CADM1: variants seen among roughly 807,000 people sequenced by gnomAD.
The protein encoded by CADM1 is cell adhesion molecule 1.
In CADM1, 15 loss-of-function variants were observed where a neutral mutation model predicts 53.1. The observed-to-expected ratio is 0.28, with a 90% CI of 0.19 to 0.44. The LOEUF (loss-of-function observed/expected upper bound fraction) is 0.44, where lower values mean the gene tolerates loss of function less well. Ranked by LOEUF, CADM1 falls within the 20% of genes least tolerant of loss-of-function variation. The pLI, the probability that CADM1 is intolerant of heterozygous loss-of-function variation, is 1.00. For missense variants in CADM1, 434 were observed against 611.3 expected, an observed-to-expected ratio of 0.71 and a Z score of 3.06; for synonymous variants, 281 against 243.0, an observed-to-expected ratio of 1.16 and a Z score of -1.45.
At chr11:115,214,156 T>G (rs1170895934) in intron 7 of CADM1, among the ~76,000 whole-genome samples, 1 of 152,250 alleles carries the variant, frequency 6.6e-6, no homozygotes, top group Admixed American at 6.5e-5. Context: ...GAGTATTTAC[T>G]GGCTTACAAC....
At chr11:115,301,562 T>C (rs1008392602) in intron 1 of CADM1, among the ~76,000 whole-genome samples, 1 of 152,084 alleles carries the variant, frequency 6.6e-6, no homozygotes, top group African/African-American at 2.4e-5. Context: ...TTATATCATA[T>C]AAAACTGACA....
intron 1 of CADM1, among the ~76,000 whole-genome samples, chr11:115,375,735 G>A (rs1018633788): frequency 2.6e-5 from 4 of 152,070 alleles, no homozygotes; most frequent in Admixed American, 6.6e-5. Context: ...TATATTGCAC[G>A]TAGGGAGTAT....
intron 7 of CADM1, among the ~76,000 whole-genome samples, chr11:115,212,201 C>T (rs1287601666): frequency 1.3e-5 from 2 of 152,028 alleles, no homozygotes; most frequent in African/African-American, 4.8e-5. Flanking sequence ...GGGGCTCAGG[C>T]ACTAACCAGC....
intron 1 of CADM1, among the ~76,000 whole-genome samples, chr11:115,499,713 C>T (rs1181962640): frequency 1.3e-5 from 2 of 152,244 alleles, no homozygotes; most frequent in South Asian, 2.1e-4. Flanking sequence ...TCTTCCCTCC[C>T]TGGCCTTCGG....
chr11:115,382,951 C>T (rs1487452681), intron 1 of CADM1, among the ~76,000 whole-genome samples: 3 of 152,172 alleles, frequency 2.0e-5, no homozygotes, highest in African/African-American at 7.2e-5. Flanking sequence ...AAGAAAAGGA[C>T]TTTACATGTA....
chr11:115,428,560 T>C (rs1232592322), intron 1 of CADM1, among the ~76,000 whole-genome samples: 2 of 152,202 alleles, frequency 1.3e-5, no homozygotes, highest in Non-Finnish European at 2.9e-5. Context: ...AAACTATATA[T>C]AGCTCTTATT....
chr11:115,393,475 T>C (rs1353241769), intron 1 of CADM1, among the ~76,000 whole-genome samples: 1 of 151,788 alleles, frequency 6.6e-6, no homozygotes, highest in Non-Finnish European at 1.5e-5. Context: ...AAATATACTT[T>C]TCGGGGTTGT....
chr11:115,432,179 T>G (rs1948071649), intron 1 of CADM1, among the ~76,000 whole-genome samples: 1 of 151,994 alleles, frequency 6.6e-6, no homozygotes, highest in Non-Finnish European at 1.5e-5. Flanking sequence ...TCTCCTGACC[T>G]CATGATCTGC....
chr11:115,201,944 C>T (rs1323419396), intron 8 of CADM1, among the ~76,000 whole-genome samples: 1 of 152,126 alleles, frequency 6.6e-6, no homozygotes, highest in South Asian at 2.1e-4. Flanking sequence ...AACAGTCACT[C>T]TCTGGCTATT....
intron 1 of CADM1, among the ~76,000 whole-genome samples, chr11:115,356,969 C>G (rs540124772): frequency 3.9e-5 from 6 of 152,278 alleles, no homozygotes; most frequent in Admixed American, 1.3e-4. Flanking sequence ...TATAACATTA[C>G]AATGCAAACA....
chr11:115,313,859 T>G (rs571332326), intron 1 of CADM1, among the ~76,000 whole-genome samples: 1 of 152,256 alleles, frequency 6.6e-6, no homozygotes, highest in South Asian at 2.1e-4. Flanking sequence ...AGAGCTGCCA[T>G]TAACTTAGGT....
rs573752687 is a variant in CADM1, at chr11:115,405,986, T to C, written c.124+98285A>G. Among the ~76,000 whole-genome samples, 39 of 152,342 alleles carry C rather than the reference T, an allele frequency of 2.6e-4. 1 individual carries two copies. The highest frequency in any genetic ancestry group is 8.9e-4 in the African/African-American group (37 of 41,588). Reference sequence around the variant, plus strand: ...CTAGGCGTGGTTCTATAAGCTTTTCTATATATGTGAAATATACAACTTCAA... The same window carrying C: ...CTAGGCGTGGTTCTATAAGCTTTTCCATATATGTGAAATATACAACTTCAA... On this transcript the variant is annotated intron_variant, in intron 1 of 11. Coordinates refer to ENST00000331581, the MANE Select transcript of CADM1 (RefSeq NM_001301043.2).
rs144441903 is a variant in CADM1, at chr11:115,415,712, T to C, written c.124+88559A>G. Among the ~76,000 whole-genome samples the C allele has an allele frequency of 2.8e-3, 419 of 149,664 alleles. 2 individuals carry two copies. The highest frequency in any genetic ancestry group is 9.6e-3 in the African/African-American group (388 of 40,530). On this transcript the variant is annotated intron_variant, in intron 1 of 11. Coordinates refer to ENST00000331581, the MANE Select transcript of CADM1 (RefSeq NM_001301043.2). ...TTAGCCAGACATGGTGATGTGCACC[T>C]GTAGTTCCAGCTACTCAAGGGGCTG...
intron 1 of CADM1, among the ~76,000 whole-genome samples, chr11:115,486,034 G>A (rs1949366421): frequency 6.6e-6 from 1 of 152,148 alleles, no homozygotes; most frequent in Non-Finnish European, 1.5e-5. Context: ...CAAAATCAAA[G>A]CACACCTTCA....
chr11:115,446,534 C>T (rs1175599967), intron 1 of CADM1, among the ~76,000 whole-genome samples: 1 of 152,080 alleles, frequency 6.6e-6, no homozygotes, highest in Non-Finnish European at 1.5e-5. Flanking sequence ...AAGGCCATTC[C>T]CCTTTATAGA....
chr11:115,418,689 A>G (rs1947674791), intron 1 of CADM1, among the ~76,000 whole-genome samples: 1 of 152,184 alleles, frequency 6.6e-6, no homozygotes. Flanking sequence ...GAAAAATTAA[A>G]TTAAATATAC....
At chr11:115,494,873 G>A (rs1020702807) in intron 1 of CADM1, among the ~76,000 whole-genome samples, 1 of 152,050 alleles carries the variant, frequency 6.6e-6, no homozygotes, top group South Asian at 2.1e-4. Context: ...AAAGCACTGG[G>A]TTTTACTATC....
At chr11:115,342,104 C>T (rs1945464532) in intron 1 of CADM1, among the ~76,000 whole-genome samples, 2 of 152,122 alleles carry the variant, frequency 1.3e-5, no homozygotes, top group Admixed American at 6.6e-5. Context: ...ATTATGCCAG[C>T]CATTTGTCCT....
intron 1 of CADM1, among the ~76,000 whole-genome samples, chr11:115,452,122 T>G (rs1261590603): frequency 7.0e-6 from 1 of 143,066 alleles, no homozygotes; most frequent in Non-Finnish European, 1.5e-5. Flanking sequence ...TTTTAAAATT[T>G]CTAAGGTTTG....
Sources: gnomAD v4.1 joint callset for allele counts (sites outside exome capture counted in the v4.1 genomes callset) on GRCh38, gnomAD v4.1.1 for gene constraint, MANE v1.5 for transcripts, NCBI Gene and HGNC (gene_info 2026-07-23, HGNC 2026-07-21) for gene names.